LRPAP1: variants seen among roughly 807,000 people sequenced by gnomAD.
LRPAP1 encodes alpha-2-macroglobulin receptor-associated protein.
In LRPAP1, 41 loss-of-function variants were observed where a neutral mutation model predicts 39.9. The ratio of observed to expected loss-of-function variants is 1.03; its 90% CI spans 0.80 to 1.33. The LOEUF is 1.33. Ranked by LOEUF, LRPAP1 falls within the 40% of genes most tolerant of loss-of-function variation. The probability of loss-of-function intolerance (pLI) is 0.00; values close to 1 mark genes in which losing one functional copy is unlikely to be tolerated. For missense variants in LRPAP1, 565 were observed against 482.3 expected (o/e 1.17, Z -1.61); for synonymous variants, 263 against 212.7 (o/e 1.24, Z -2.06).
At chr4:3,526,236 G>A (rs926430696) in intron 1 of LRPAP1, among the ~76,000 whole-genome samples, 14 of 146,358 alleles carry the variant, frequency 9.6e-5, no homozygotes, top group African/African-American at 3.4e-4. Flanking sequence ...CCTTCCCTGA[G>A]CACCTGCATT....
At position 3,515,044 on chromosome 4, in the gene LRPAP1, G is replaced by A. The variant is rs1477583679; in HGVS notation, c.835-116C>T. 4.3e-6 allele frequency: 5 copies of A among 1,174,034 alleles called. No homozygotes were observed. The Admixed American group carries it at 6.2e-5, about 15-fold the overall frequency. The allele number at this position is 1,174,034 out of a possible 1,614,324, so 72.7% of individuals were successfully genotyped here. A position where few individuals can be genotyped will look rare whatever the true frequency, so the allele number is the denominator to read the frequency against. ...CGGCGCCATACCCGGGGCAGGACAG[G>A]CCTTGCGGTGACATGGGCAATGAGG... On this transcript the variant is annotated intron_variant, in intron 6 of 7. Coordinates refer to ENST00000650182, the MANE Select transcript of LRPAP1 (RefSeq NM_002337.4).
chr4:3,513,435 G>A (rs1729595678), intron 7 of LRPAP1, among the ~76,000 whole-genome samples: 1 of 152,088 alleles, frequency 6.6e-6, no homozygotes, highest in Non-Finnish European at 1.5e-5. Context: ...AGCCTCCCAT[G>A]TACTTAGGAC....
At chr4:3,532,134 T>C (rs1214743996) in intron 1 of LRPAP1, 75 bp downstream of exon 1, 1 of 1,398,474 alleles carries the variant, frequency 7.2e-7, no homozygotes, top group Non-Finnish European at 9.8e-7. Context: ...CTCCGACCCC[T>C]GGGCCCCGCT....
chr4:3,530,333 A>T (rs1293427098), intron 1 of LRPAP1, among the ~76,000 whole-genome samples: 1 of 152,202 alleles, frequency 6.6e-6, no homozygotes, highest in East Asian at 1.9e-4. Flanking sequence ...AGCTTCCGTT[A>T]TCTGGAAGGA....
intron 4 of LRPAP1, among the ~76,000 whole-genome samples, chr4:3,518,506 C>A (rs1422131774): frequency 2.0e-5 from 3 of 152,182 alleles, no homozygotes; most frequent in Admixed American, 1.3e-4. Context: ...CTCCATTTTA[C>A]TCCAGCTTTG....
In LRPAP1 at chr4:3,510,899, T is replaced by G. The variant is rs1434118233; in HGVS notation, c.*2075A>C. Reference sequence around the variant, plus strand: ...GCTCTGCGGAGTGGAGGGCATCACCTACATCCTTCGTGAGTGCGCACCATG... The same window carrying G: ...GCTCTGCGGAGTGGAGGGCATCACCGACATCCTTCGTGAGTGCGCACCATG... On this transcript the variant is annotated 3_prime_UTR_variant, in exon 8 of 8. Transcript: ENST00000650182. The G allele has an allele frequency of 6.6e-6, 1 of 152,188 alleles. No individual in the cohort carries two copies. Among genetic ancestry groups the G allele is most frequent in the Non-Finnish European group, 1.5e-5 (1 of 68,046 alleles). The allele number at this position is 152,188 out of a possible 1,614,324, so 9.4% of individuals were successfully genotyped here.
chr4:3,524,338 C>T (rs928440255), intron 2 of LRPAP1, among the ~76,000 whole-genome samples: 6 of 152,242 alleles, frequency 3.9e-5, no homozygotes, highest in Admixed American at 1.3e-4. Flanking sequence ...ACTCACTAAG[C>T]GCATGACAAC....
chr4:3,512,962 T>C lies in LRPAP1; in HGVS notation c.*12A>G, dbSNP rs1800495. The C allele has an allele frequency of 0.041, 65,563 of 1,606,194 alleles. 1,615 individuals carry two copies. The highest frequency in any genetic ancestry group is 0.089 in the Admixed American group (5,223 of 58,854). On this transcript the variant is annotated 3_prime_UTR_variant, in exon 8 of 8. Coordinates refer to ENST00000650182, the MANE Select transcript of LRPAP1 (RefSeq NM_002337.4). Reference sequence around the variant, plus strand: ...TGGCCTCTTCCCTGCCGGGCTGGGCTCCCCAATGCCTTCAGAGTTCGTTGT... The same window carrying C: ...TGGCCTCTTCCCTGCCGGGCTGGGCCCCCCAATGCCTTCAGAGTTCGTTGT...
chr4:3,506,772 A>G lies in LRPAP1; in HGVS notation c.*6202T>C, dbSNP rs1729368836. On this transcript the variant is annotated 3_prime_UTR_variant, in exon 8 of 8. Transcript: ENST00000650182. Reference sequence around the variant, plus strand: ...AAATAGAAAGACCACTAGAACGGAAAAATAAAAAATAAAAATTAGATTTCA... The same window carrying G: ...AAATAGAAAGACCACTAGAACGGAAGAATAAAAAATAAAAATTAGATTTCA... 6.6e-6 allele frequency: 1 copy of G among 152,258 alleles called. No individual in the cohort carries two copies. The highest frequency in any genetic ancestry group is 6.5e-5 in the Admixed American group (1 of 15,278). The allele number at this position is 152,258 out of a possible 1,614,324, so 9.4% of individuals were successfully genotyped here. A position where few individuals can be genotyped will look rare whatever the true frequency, so the allele number is the denominator to read the frequency against.
rs1729379426 is a variant in LRPAP1, at chr4:3,507,215, T to A, written c.*5759A>T. 1 of 151,988 alleles carries A rather than the reference T, an allele frequency of 6.6e-6. No homozygotes were observed. The highest frequency in any genetic ancestry group is 2.4e-5 in the African/African-American group (1 of 41,368). The allele number at this position is 151,988 out of a possible 1,614,324, so 9.4% of individuals were successfully genotyped here. On this transcript the variant is annotated 3_prime_UTR_variant, in exon 8 of 8. Transcript: ENST00000650182. ...CTCCAAGCCTGTGCGAGAAAGATCC[T>A]GACTCAAAAAAAAAGACAAGATTTC...
chr4:3,532,122 G>C, intron 1 of LRPAP1, 87 bp downstream of exon 1: 1 of 1,388,974 alleles, frequency 7.2e-7, no homozygotes, highest in Non-Finnish European at 9.8e-7. Context: ...GCCCCCCTCC[G>C]CCTCCGACCC....
At chr4:3,532,134 T>A in intron 1 of LRPAP1, 75 bp downstream of exon 1, 4 of 1,398,464 alleles carry the variant, frequency 2.9e-6, no homozygotes, top group Non-Finnish European at 2.9e-6. Flanking sequence ...CTCCGACCCC[T>A]GGGCCCCGCT....
chr4:3,512,598 A>C lies in LRPAP1; in HGVS notation c.*376T>G. 1 of 216,244 alleles carries C rather than the reference A, an allele frequency of 4.6e-6. No individual in the cohort carries two copies. Among genetic ancestry groups the C allele is most frequent in the Non-Finnish European group, 9.2e-6 (1 of 108,328 alleles). 13.4% of individuals were successfully genotyped at this position (216,244 alleles called of 1,614,324 possible). A position where few individuals can be genotyped will look rare whatever the true frequency, so the allele number is the denominator to read the frequency against. On this transcript the variant is annotated 3_prime_UTR_variant, in exon 8 of 8. Transcript: ENST00000650182. Reference sequence around the variant, plus strand: ...AAATACTGCACTCTATTTTTTAAGGACTCTGTGCATGGTATTTCCGGTGGC... The same window carrying C: ...AAATACTGCACTCTATTTTTTAAGGCCTCTGTGCATGGTATTTCCGGTGGC...
intron 3 of LRPAP1, among the ~76,000 whole-genome samples, chr4:3,519,694 C>T (rs543674025): frequency 2.6e-5 from 4 of 152,326 alleles, no homozygotes; most frequent in East Asian, 1.9e-4. Flanking sequence ...GCCCCACACA[C>T]GAGGGCACCT....
intron 2 of LRPAP1, among the ~76,000 whole-genome samples, chr4:3,521,898 G>A (rs1275492837): frequency 6.6e-6 from 1 of 152,260 alleles, no homozygotes; most frequent in East Asian, 1.9e-4. Flanking sequence ...CACTTTGGGA[G>A]GCCAAGGCAG....
Position 3,512,666 on chromosome 4 carries a change from A to G in LRPAP1, c.*308T>C. ...TATGTAAATCGTGTTGTTTTAGCAGAGGACTATCAGACCTGACAGCAGCTG... is the reference window on the plus strand; with the variant it reads ...TATGTAAATCGTGTTGTTTTAGCAGGGGACTATCAGACCTGACAGCAGCTG... On this transcript the variant is annotated 3_prime_UTR_variant, in exon 8 of 8. Coordinates refer to ENST00000650182, the MANE Select transcript of LRPAP1 (RefSeq NM_002337.4). 1 of 396,440 alleles carries G rather than the reference A, an allele frequency of 2.5e-6. No homozygotes were observed. Among genetic ancestry groups the G allele is most frequent in the Non-Finnish European group, 4.6e-6 (1 of 219,406 alleles). The allele number at this position is 396,440 out of a possible 1,614,324, so 24.6% of individuals were successfully genotyped here. A position where few individuals can be genotyped will look rare whatever the true frequency, so the allele number is the denominator to read the frequency against.
At position 3,510,684 on chromosome 4, in the gene LRPAP1, G is replaced by C. The variant is rs1729479977; in HGVS notation, c.*2290C>G. 1 of 152,312 alleles carries C rather than the reference G, an allele frequency of 6.6e-6. No individual in the cohort carries two copies. The highest frequency in any genetic ancestry group is 1.5e-5 in the Non-Finnish European group (1 of 68,082). The allele number at this position is 152,312 out of a possible 1,614,324, so 9.4% of individuals were successfully genotyped here. On this transcript the variant is annotated 3_prime_UTR_variant, in exon 8 of 8. Transcript: ENST00000650182. The stretch of plus-strand genomic sequence containing the variant: ...ACAGGCCGCCACGCGGCAATCAGGA[G>C]TCTGCCGCTGATCCACGCAAAAGCC...
At chr4:3,515,432 G>C (rs1044826717) in intron 6 of LRPAP1, among the ~76,000 whole-genome samples, 1 of 152,320 alleles carries the variant, frequency 6.6e-6, no homozygotes, top group African/African-American at 2.4e-5. Context: ...CAGCCCCAGA[G>C]GGAAGCTCCT....
At chr4:3,519,622 C>G (rs921458169) in intron 3 of LRPAP1, among the ~76,000 whole-genome samples, 2 of 152,306 alleles carry the variant, frequency 1.3e-5, no homozygotes, top group African/African-American at 2.4e-5. Flanking sequence ...CACAGCCCAC[C>G]AGGCCCTGCT....
Sources: gnomAD v4.1 joint callset for allele counts (sites outside exome capture counted in the v4.1 genomes callset) on GRCh38, gnomAD v4.1.1 for gene constraint, MANE v1.5 for transcripts, NCBI Gene and HGNC (gene_info 2026-07-23, HGNC 2026-07-21) for gene names.